The following SHISA9 variants were observed in gnomAD, a reference collection of about 807,000 sequenced individuals.
SHISA9 encodes shisa family member 9.
A neutral mutation model predicts 38.0 loss-of-function variants in SHISA9; 13 were observed. The observed-to-expected ratio is 0.34, with a 90% CI of 0.22 to 0.54. SHISA9 has a LOEUF of 0.54. SHISA9 is among the 20% of genes least tolerant of loss of function. The pLI is 0.91. For missense variants in SHISA9, 538 were observed against 575.8 expected, an observed-to-expected ratio of 0.93 and a Z score of 0.67; for synonymous variants, 275 against 242.0, an observed-to-expected ratio of 1.14 and a Z score of -1.27.
intron 2 of SHISA9, among the ~76,000 whole-genome samples, chr16:12,992,776 G>C (rs897612362): frequency 6.6e-6 from 1 of 152,156 alleles, no homozygotes; most frequent in African/African-American, 2.4e-5. Flanking sequence ...ATGACAAGCG[G>C]TGTCTTGCAT....
the SHISA9 span, among the ~76,000 whole-genome samples, chr16:13,403,325 A>G: frequency 1.3e-5 from 2 of 152,178 alleles, no homozygotes; most frequent in South Asian, 2.1e-4. Context: ...GCCTTTTAGG[A>G]CCTAATTTTT....
At chr16:13,100,907 A>G (rs534114696) in intron 2 of SHISA9, among the ~76,000 whole-genome samples, 2 of 152,194 alleles carry the variant, frequency 1.3e-5, no homozygotes, top group East Asian at 1.9e-4. Flanking sequence ...GGGTTTTGCC[A>G]TGTTGGTCAA....
the SHISA9 span, among the ~76,000 whole-genome samples, chr16:13,298,679 C>T: frequency 2.0e-5 from 3 of 152,160 alleles, no homozygotes; most frequent in African/African-American, 4.8e-5. Flanking sequence ...ATTGCCTGGG[C>T]GTTTCAGGTC....
At chr16:13,321,691 T>G in the SHISA9 span, among the ~76,000 whole-genome samples, 1 of 152,244 alleles carries the variant, frequency 6.6e-6, no homozygotes, top group African/African-American at 2.4e-5. Flanking sequence ...GGTGTGCCTG[T>G]CTGATAATCT....
At chr16:13,032,524 C>G (rs559500666) in intron 2 of SHISA9, among the ~76,000 whole-genome samples, 14 of 152,218 alleles carry the variant, frequency 9.2e-5, no homozygotes, top group African/African-American at 3.1e-4. Context: ...CCTCATTTCC[C>G]CATAAACTCT....
chr16:13,084,160 C>T (rs982223531), intron 2 of SHISA9, among the ~76,000 whole-genome samples: 2 of 152,084 alleles, frequency 1.3e-5, no homozygotes, highest in African/African-American at 4.8e-5. Context: ...ATTTTAAAAA[C>T]AAGGAACCTG....
At chr16:13,366,118 G>T in the SHISA9 span, among the ~76,000 whole-genome samples, 1 of 152,160 alleles carries the variant, frequency 6.6e-6, no homozygotes, top group Non-Finnish European at 1.5e-5. Context: ...CACCATTCAA[G>T]GGCCATGTGT....
the SHISA9 span, among the ~76,000 whole-genome samples, chr16:13,394,799 C>A: frequency 2.0e-5 from 3 of 152,124 alleles, no homozygotes; most frequent in African/African-American, 4.8e-5. Flanking sequence ...AGAATCAGGA[C>A]GAATGAGAGG....
chr16:12,902,872 C>T, intron 1 of SHISA9: 1 of 449,522 alleles, frequency 2.2e-6, no homozygotes. Flanking sequence ...GTGTGTGACT[C>T]TGCTCCCTCA....
At chr16:13,117,275 T>C (rs2074039808) in intron 2 of SHISA9, among the ~76,000 whole-genome samples, 1 of 152,164 alleles carries the variant, frequency 6.6e-6, no homozygotes, top group South Asian at 2.1e-4. Context: ...GTGCCTCGCC[T>C]ATTTTATTAG....
At chr16:13,126,137 C>T (rs776197284) in intron 2 of SHISA9, among the ~76,000 whole-genome samples, 2 of 152,174 alleles carry the variant, frequency 1.3e-5, no homozygotes, top group East Asian at 1.9e-4. Context: ...TATGGAGGCT[C>T]ACAAAGATTC....
intron 4 of SHISA9, among the ~76,000 whole-genome samples, chr16:13,215,344 A>G (rs76298332): frequency 0.015 from 2,232 of 152,286 alleles, 55 homozygotes; most frequent in African/African-American, 0.052. Flanking sequence ...ATTGGGAAAG[A>G]GAGCTTTACA....
the SHISA9 span, among the ~76,000 whole-genome samples, chr16:13,549,499 GAGTGTA>G: frequency 6.6e-6 from 1 of 152,094 alleles, no homozygotes; most frequent in Non-Finnish European, 1.5e-5. Context: ...GCAAAGTTTA[GAGTGTA>G]AGTGTAAGAT....
rs374494717 is a variant in SHISA9 at position 13,150,217 on chromosome 16, C to G, written c.692-53177C>G. ...CCTAAATCTACTGCGTTTGTTCCAC[C>G]TCTTTGTATTTTCTCATGCTGTCTC... is the stretch of plus-strand genomic sequence containing the variant. On this transcript the variant is annotated intron_variant, in intron 2 of 4. Coordinates refer to ENST00000558583, the MANE Select transcript of SHISA9 (RefSeq NM_001145204.3). 9.2e-4 allele frequency among the ~76,000 whole-genome samples: 140 copies of G among 152,100 alleles called. 1 individual carries two copies. Among genetic ancestry groups the G allele is most frequent in the African/African-American group, 3.2e-3 (132 of 41,496 alleles).
At chr16:13,144,554 T>C (rs1036885456) in intron 2 of SHISA9, among the ~76,000 whole-genome samples, 1 of 152,170 alleles carries the variant, frequency 6.6e-6, no homozygotes, top group African/African-American at 2.4e-5. Context: ...CACCTCACTG[T>C]TGGCCATGTG....
At chr16:13,281,114 A>G in the SHISA9 span, among the ~76,000 whole-genome samples, 3 of 151,866 alleles carry the variant, frequency 2.0e-5, no homozygotes, top group African/African-American at 7.2e-5. Flanking sequence ...TTTTAAAAAT[A>G]TCTATGAGCC....
chr16:13,110,919 G>C (rs1242218690), intron 2 of SHISA9, among the ~76,000 whole-genome samples: 1 of 152,176 alleles, frequency 6.6e-6, no homozygotes, highest in South Asian at 2.1e-4. Flanking sequence ...TTAGTACGTG[G>C]CTTCTAAGAT....
At chr16:12,948,740 T>A (rs1049753266) in intron 2 of SHISA9, among the ~76,000 whole-genome samples, 6 of 152,158 alleles carry the variant, frequency 3.9e-5, no homozygotes, top group African/African-American at 1.4e-4. Context: ...CTTCTTAATA[T>A]CATCACTATG....
chr16:12,935,303 T>C (rs1232967192), intron 2 of SHISA9, among the ~76,000 whole-genome samples: 1 of 152,258 alleles, frequency 6.6e-6, no homozygotes, highest in Non-Finnish European at 1.5e-5. Context: ...TCTGCATTTA[T>C]GTATATCTTG....
Sources: gnomAD v4.1 joint callset for allele counts (sites outside exome capture counted in the v4.1 genomes callset) on GRCh38, gnomAD v4.1.1 for gene constraint, MANE v1.5 for transcripts, NCBI Gene and HGNC (gene_info 2026-07-23, HGNC 2026-07-21) for gene names.